The following DPP10 variants were observed in gnomAD, a reference collection of about 807,000 sequenced individuals.
DPP10 encodes the protein dipeptidyl peptidase like 10.
DPP10 carries 33 observed loss-of-function variants against 120.9 expected under a neutral mutation model. That is an observed-to-expected ratio of 0.27 (90% CI 0.21 to 0.37). DPP10 has a LOEUF of 0.37. Among genes scored for constraint, DPP10 ranks in the 10% least tolerant of loss-of-function variants. The pLI is 1.00. For synonymous variants in DPP10, 337 were observed against 326.1 expected (o/e 1.03, Z -0.36); for missense variants, 816 against 942.8 (o/e 0.87, Z 1.76).
intron 3 of DPP10, among the ~76,000 whole-genome samples, chr2:115,355,130 T>G (rs776167228): frequency 6.6e-6 from 1 of 152,174 alleles, no homozygotes; most frequent in Non-Finnish European, 1.5e-5. Context: ...TGCCATACTG[T>G]CTTCCACAAT....
At chr2:115,504,721 G>T (rs1006904589) in intron 4 of DPP10, among the ~76,000 whole-genome samples, 1 of 152,176 alleles carries the variant, frequency 6.6e-6, no homozygotes, top group Admixed American at 6.6e-5. Context: ...AGGAAACATT[G>T]AATCTACCAT....
chr2:115,221,233 C>T (rs1367204224), intron 1 of DPP10, among the ~76,000 whole-genome samples: 1 of 152,056 alleles, frequency 6.6e-6, no homozygotes, highest in Non-Finnish European at 1.5e-5. Flanking sequence ...GGCTCATATT[C>T]ATGCATAGAT....
intron 1 of DPP10, among the ~76,000 whole-genome samples, chr2:114,869,460 T>C (rs1046183646): frequency 2.6e-5 from 4 of 152,238 alleles, no homozygotes; most frequent in Admixed American, 1.3e-4. Context: ...CAAGGATTCA[T>C]TGTGAAACAG....
At chr2:115,329,557 G>A (rs964899293) in intron 2 of DPP10, among the ~76,000 whole-genome samples, 3 of 151,992 alleles carry the variant, frequency 2.0e-5, no homozygotes, top group African/African-American at 7.2e-5. Flanking sequence ...ATTTACATTA[G>A]GTATATCTCC....
At chr2:115,488,941 G>C (rs993608189) in intron 3 of DPP10, among the ~76,000 whole-genome samples, 11 of 140,610 alleles carry the variant, frequency 7.8e-5, no homozygotes, top group Non-Finnish European at 1.1e-4. Flanking sequence ...AACAAACAAA[G>C]AAACAAAAAA....
chr2:115,741,212 C>T (rs1241201653), intron 9 of DPP10, among the ~76,000 whole-genome samples: 2 of 152,052 alleles, frequency 1.3e-5, no homozygotes, highest in Non-Finnish European at 2.9e-5. Flanking sequence ...GTTCCTTCCA[C>T]AGGTTGTAGT....
intron 5 of DPP10, among the ~76,000 whole-genome samples, chr2:115,570,123 C>A (rs920785868): frequency 1.3e-5 from 2 of 152,106 alleles, no homozygotes; most frequent in African/African-American, 2.4e-5. Context: ...AGTCTTTATT[C>A]CTGCAGAGAA....
chr2:115,446,956 C>A (rs1342617324), intron 3 of DPP10, among the ~76,000 whole-genome samples: 1 of 152,118 alleles, frequency 6.6e-6, no homozygotes, highest in Non-Finnish European at 1.5e-5. Context: ...GGTATTTGAC[C>A]AGGATGACAG....
intron 3 of DPP10, among the ~76,000 whole-genome samples, chr2:115,469,112 A>T (rs905901393): frequency 2.6e-5 from 4 of 152,034 alleles, no homozygotes; most frequent in African/African-American, 9.7e-5. Flanking sequence ...TCTTTAGTAG[A>T]GATGGGGTTA....
intron 1 of DPP10, among the ~76,000 whole-genome samples, chr2:115,136,771 CA>C (rs2050673268): frequency 6.6e-6 from 1 of 152,068 alleles, no homozygotes; most frequent in Non-Finnish European, 1.5e-5. Context: ...AGGAATAGTA[CA>C]AAAATGGATG....
At chr2:115,547,123 C>T (rs2079549628) in intron 5 of DPP10, among the ~76,000 whole-genome samples, 1 of 152,090 alleles carries the variant, frequency 6.6e-6, no homozygotes, top group South Asian at 2.1e-4. Context: ...CCATTTCCAT[C>T]CCAGTATTGC....
intron 1 of DPP10, among the ~76,000 whole-genome samples, chr2:114,998,807 T>G (rs909722233): frequency 6.6e-6 from 1 of 152,144 alleles, no homozygotes; most frequent in African/African-American, 2.4e-5. Flanking sequence ...ACCAGCAGGT[T>G]AGCGCTGCCC....
chr2:115,804,263 C>T (rs1360544598), intron 19 of DPP10, among the ~76,000 whole-genome samples: 5 of 152,154 alleles, frequency 3.3e-5, no homozygotes, highest in Admixed American at 3.3e-4. Flanking sequence ...AGTTCTCGTG[C>T]CTTGGTTTTC....
intron 3 of DPP10, among the ~76,000 whole-genome samples, chr2:115,462,756 G>GT (rs1354443744): frequency 1.3e-5 from 2 of 152,122 alleles, no homozygotes; most frequent in Non-Finnish European, 2.9e-5. Context: ...GTTTGAGAGA[G>GT]TTTCACTCTG....
At chr2:114,898,085 G>C (rs369319706) in intron 1 of DPP10, among the ~76,000 whole-genome samples, 10 of 152,098 alleles carry the variant, frequency 6.6e-5, no homozygotes, top group Non-Finnish European at 1.0e-4. Context: ...ATAGCAAAGA[G>C]TTGGAACCAA....
intron 1 of DPP10, among the ~76,000 whole-genome samples, chr2:115,294,722 TG>T (rs1335292234): frequency 6.6e-6 from 1 of 152,108 alleles, no homozygotes; most frequent in Admixed American, 6.6e-5. Flanking sequence ...ACAGTTAGTT[TG>T]AGACAACTAT....
At chr2:114,866,027 G>T (rs1000235654) in intron 1 of DPP10, among the ~76,000 whole-genome samples, 8 of 151,902 alleles carry the variant, frequency 5.3e-5, no homozygotes, top group Non-Finnish European at 1.2e-4. Flanking sequence ...CAGGAGAATC[G>T]CTTGAACCTG....
Position 115,342,218 on chromosome 2 carries a change from A to G in DPP10, c.176-1599A>G, listed in dbSNP as rs768977042. 96 of 444,394 alleles carry G rather than the reference A, an allele frequency of 2.2e-4. 1 individual carries two copies. Among genetic ancestry groups the G allele is most frequent in the Non-Finnish European group, 3.1e-4 (69 of 221,714 alleles). 27.5% of individuals were successfully genotyped at this position (444,394 alleles called of 1,614,324 possible). On this transcript the variant is annotated intron_variant, in intron 2 of 25. Transcript: ENST00000410059. The stretch of plus-strand genomic sequence containing the variant: ...GTGTGTGTGTGTAATTTGTTTTTTG[A>G]GACAAGGTCTCACCCTGTCACCCAG...
At chr2:114,847,024 T>C (rs1237477993) in intron 1 of DPP10, among the ~76,000 whole-genome samples, 1 of 152,076 alleles carries the variant, frequency 6.6e-6, no homozygotes, top group Non-Finnish European at 1.5e-5. Flanking sequence ...TTTCAGTATC[T>C]AAATCTAGAT....
Sources: allele counts gnomAD v4.1 joint callset (sites outside exome capture counted in the v4.1 genomes callset), GRCh38; gene constraint gnomAD v4.1.1; transcripts MANE v1.5; gene names NCBI Gene and HGNC (gene_info 2026-07-23, HGNC 2026-07-21).